The following COL5A1 variants were observed in gnomAD, a reference collection of about 807,000 sequenced individuals.
COL5A1 encodes the protein collagen alpha-1(V) chain.
A neutral mutation model predicts 263.7 loss-of-function variants in COL5A1; 16 were observed. That is an observed-to-expected ratio of 0.06 (90% CI 0.04 to 0.09). COL5A1 has a LOEUF of 0.09. COL5A1 is among the 10% of genes least tolerant of loss of function. The pLI is 1.00. For synonymous variants in COL5A1, 1,012 were observed against 1,004.5 expected (o/e 1.01, Z -0.14); for missense variants, 2,036 against 2,540.5 (o/e 0.80, Z 4.27).
intron 64 of COL5A1, 152 bp downstream of exon 64, chr9:134,830,196 C>A: frequency 6.3e-7 from 1 of 1,597,110 alleles, no homozygotes. Flanking sequence ...CACCTCGGCC[C>A]GGCCACCTCG....
intron 44 of COL5A1, 63 bp downstream of exon 44, chr9:134,810,371 TA>T: frequency 1.3e-6 from 2 of 1,500,548 alleles, no homozygotes; most frequent in Non-Finnish European, 1.9e-6. Flanking sequence ...TCGCAGGCTG[TA>T]GGCCGTGTGC....
chr9:134,759,336 G>GCA lies in COL5A1; in HGVS notation c.1935+1052_1935+1053dup, dbSNP rs112901588. 2.3e-4 allele frequency among the ~76,000 whole-genome samples: 21 copies of GCA among 89,404 alleles called. 1 individual carries two copies. The highest frequency in any genetic ancestry group is 6.3e-4 in the Admixed American group (5 of 7,950). 58.7% of individuals were successfully genotyped at this position (89,404 alleles called of 152,430 possible). On this transcript the variant is annotated intron_variant, in intron 18 of 65. Coordinates refer to ENST00000371817, the MANE Select transcript of COL5A1 (RefSeq NM_000093.5). ...CACACTCATACACACATGCACACAA[G>GCA]CACACACACACACCCACATTCATAC...
chr9:134,812,158 C>T (rs534475989), intron 46 of COL5A1, among the ~76,000 whole-genome samples: 3 of 152,288 alleles, frequency 2.0e-5, no homozygotes, highest in African/African-American at 7.2e-5. Flanking sequence ...CTGGTGGTGA[C>T]ATAATTTACC....
At chr9:134,694,035 C>T (rs1049507305) in intron 2 of COL5A1, among the ~76,000 whole-genome samples, 2 of 152,238 alleles carry the variant, frequency 1.3e-5, no homozygotes, top group Non-Finnish European at 2.9e-5. Context: ...GTGGCCACGG[C>T]AAGGCCTGGG....
intron 27 of COL5A1, among the ~76,000 whole-genome samples, chr9:134,778,154 A>G (rs1158922281): frequency 1.3e-5 from 2 of 152,346 alleles, no homozygotes; most frequent in East Asian, 1.9e-4. Flanking sequence ...TGTGTCAGCC[A>G]GCGTGGCCCT....
At chr9:134,756,692 G>T (rs1045809775) in intron 16 of COL5A1, 73 bp from the exon 17 acceptor site, 1 of 1,525,982 alleles carries the variant, frequency 6.6e-7, no homozygotes, top group Admixed American at 1.7e-5. Flanking sequence ...TTGGTTTAAC[G>T]GAAAACCATG....
chr9:134,756,946 A>G, intron 17 of COL5A1, 128 bp downstream of exon 17: 1 of 909,218 alleles, frequency 1.1e-6, no homozygotes, highest in Middle Eastern at 2.3e-4. Flanking sequence ...CGTCACTGGC[A>G]TTTGACGTGA....
At position 134,777,476 on chromosome 9, in the gene COL5A1, G is replaced by A. The variant is rs183351430; in HGVS notation, c.2385+2564G>A. ...CAGCCCCAATGTCAACAGCCCCGTG[G>A]CCAAGAAGCCCTGGGAAGTGCTGGT... On this transcript the variant is annotated intron_variant, in intron 27 of 65. Transcript: ENST00000371817. 3.4e-4 allele frequency among the ~76,000 whole-genome samples: 52 copies of A among 152,338 alleles called. 1 individual carries two copies. In the East Asian group the frequency reaches 9.7e-3, roughly 28 times the overall value.
chr9:134,765,207 G>A lies in COL5A1; in HGVS notation c.2035-474G>A, dbSNP rs978952861. 2.3e-4 allele frequency among the ~76,000 whole-genome samples: 35 copies of A among 152,270 alleles called. No homozygotes were observed. The highest frequency in any genetic ancestry group is 8.4e-4 in the African/African-American group (35 of 41,546). ...TTCCCACCAGGGACTAGTTTCACCT[G>A]GTGCTCTCCTGCCCGCACCCTCTGA... is the stretch of plus-strand genomic sequence containing the variant. On this transcript the variant is annotated intron_variant, in intron 20 of 65. Transcript: ENST00000371817. The surrounding 1 kb of genome is among the most constrained non-coding windows in gnomAD (Gnocchi z 5.1).
rs1168949375 is a variant in COL5A1, at chr9:134,677,221, A to AG, written c.110-13690dup. 1.3e-5 allele frequency among the ~76,000 whole-genome samples: 2 copies of AG among 151,992 alleles called. No individual in the cohort carries two copies. Among genetic ancestry groups the AG allele is most frequent in the African/African-American group, 4.8e-5 (2 of 41,374 alleles). On this transcript the variant is annotated intron_variant, in intron 1 of 65. Transcript: ENST00000371817. This position sits in a 1 kb window ranked among gnomAD's most constrained non-coding sequence, Gnocchi z 4.4. ...GAATATTCAGAATAACTTACTTGAGAGTGGGAAGCCTGAAAGTCCAGCCTT... is the reference window on the plus strand; with the variant it reads ...GAATATTCAGAATAACTTACTTGAGAGGTGGGAAGCCTGAAAGTCCAGCCTT...
chr9:134,826,185 T>C (rs1425788699), intron 63 of COL5A1, among the ~76,000 whole-genome samples: 1 of 152,238 alleles, frequency 6.6e-6, no homozygotes, highest in Non-Finnish European at 1.5e-5. Context: ...CACTGGTTGA[T>C]AAAAGCTTTT....
At chr9:134,775,023 C>A in intron 27 of COL5A1, 111 bp downstream of exon 27, 1 of 1,020,260 alleles carries the variant, frequency 9.8e-7, no homozygotes, top group Non-Finnish European at 1.5e-6. Flanking sequence ...CCCTGCTATT[C>A]AGTCTGGAGT....
intron 1 of COL5A1, among the ~76,000 whole-genome samples, chr9:134,687,474 T>TCCATC (rs1564388067): frequency 2.0e-5 from 3 of 150,666 alleles, no homozygotes; most frequent in Admixed American, 6.6e-5. Context: ...ATCCATCCAT[T>TCCATC]CATCCATCCA....
chr9:134,767,193 A>G, intron 23 of COL5A1, 117 bp from the exon 24 acceptor site: 1 of 1,425,132 alleles, frequency 7.0e-7, no homozygotes, highest in Non-Finnish European at 9.9e-7. Context: ...GGAGACTAGG[A>G]CCTGGGTTGG....
At chr9:134,760,622 C>CA in intron 18 of COL5A1, among the ~76,000 whole-genome samples, 1 of 127,140 alleles carries the variant, frequency 7.9e-6, no homozygotes, top group African/African-American at 3.3e-5. Flanking sequence ...CACACACACA[C>CA]CCACACACCC....
intron 65 of COL5A1, among the ~76,000 whole-genome samples, chr9:134,838,050 C>T (rs866508162): frequency 7.9e-5 from 12 of 152,224 alleles, no homozygotes; most frequent in African/African-American, 1.9e-4. Flanking sequence ...GAAGCTCTTC[C>T]GAGAACTGGG....
rs76439190 is a variant in COL5A1, at chr9:134,834,829, C to T, written c.5137-142C>T. 8.6e-3 allele frequency: 5,712 copies of T among 667,532 alleles called. 244 individuals are homozygous for T. The African/African-American group carries it at 0.088, about 10-fold the overall frequency. 41.4% of individuals were successfully genotyped at this position (667,532 alleles called of 1,614,324 possible). A position where few individuals can be genotyped will look rare whatever the true frequency, so the allele number is the denominator to read the frequency against. ...AGAGCCCATGTGCGCTGGCCTCGGC[C>T]GGGTCTGTGGGTACAGTGCGTTTCC... is the stretch of plus-strand genomic sequence containing the variant. On this transcript the variant is annotated intron_variant, in intron 64 of 65. Transcript: ENST00000371817.
At chr9:134,662,142 CA>C (rs34491867) in intron 1 of COL5A1, among the ~76,000 whole-genome samples, 21,595 of 121,086 alleles carry the variant, frequency 0.18, 1,718 homozygotes, top group African/African-American at 0.28. Context: ...ATATCTTGGC[CA>C]AAAAAAAAAA....
At chr9:134,717,566 T>G (rs1834313222) in intron 4 of COL5A1, among the ~76,000 whole-genome samples, 1 of 152,158 alleles carries the variant, frequency 6.6e-6, no homozygotes, top group Non-Finnish European at 1.5e-5. Context: ...CCAGTCAGCG[T>G]GTTAACTCAG....
Sources: allele counts gnomAD v4.1 joint callset (sites outside exome capture counted in the v4.1 genomes callset), GRCh38; gene constraint gnomAD v4.1.1; non-coding constraint Gnocchi (gnomAD v3.1); transcripts MANE v1.5; gene names NCBI Gene and HGNC (gene_info 2026-07-23, HGNC 2026-07-21).